Variants in PHACTR1 observed in about 807,000 individuals in gnomAD.
PHACTR1 encodes the protein RPEL repeat containing 1.
A neutral mutation model predicts 69.2 loss-of-function variants in PHACTR1; 16 were observed. The ratio of observed to expected loss-of-function variants is 0.23; its 90% CI spans 0.16 to 0.35. PHACTR1 has a LOEUF of 0.35. Among genes scored for constraint, PHACTR1 ranks in the 10% least tolerant of loss-of-function variants. The probability of loss-of-function intolerance (pLI) is 1.00; values close to 1 mark genes in which losing one functional copy is unlikely to be tolerated. For synonymous variants in PHACTR1, 312 were observed against 284.5 expected, an observed-to-expected ratio of 1.10 and a Z score of -0.97; for missense variants, 510 against 734.7, an observed-to-expected ratio of 0.69 and a Z score of 3.54.
chr6:13,133,789 C>T (rs976429660), intron 5 of PHACTR1, among the ~76,000 whole-genome samples: 12 of 151,778 alleles, frequency 7.9e-5, no homozygotes, highest in African/African-American at 2.7e-4. Flanking sequence ...CTCTGCCCGG[C>T]CGCCCAGTCT....
At chr6:13,211,075 T>C (rs755841354) in intron 8 of PHACTR1, among the ~76,000 whole-genome samples, 1 of 152,166 alleles carries the variant, frequency 6.6e-6, no homozygotes, top group Non-Finnish European at 1.5e-5. Flanking sequence ...GTTGAATTCA[T>C]GATTATTTAG....
chr6:13,078,767 T>G (rs2127791370), intron 5 of PHACTR1, among the ~76,000 whole-genome samples: 1 of 152,298 alleles, frequency 6.6e-6, no homozygotes, highest in East Asian at 1.9e-4. Context: ...CCAGAGATCA[T>G]ATTCCAGAAT....
chr6:13,249,797 CAAAA>C (rs5874406), intron 10 of PHACTR1, among the ~76,000 whole-genome samples: 14 of 79,902 alleles, frequency 1.8e-4, no homozygotes, highest in African/African-American at 5.2e-4. Context: ...AACTCCGTCT[CAAAA>C]AAAAAAAAAA....
intron 4 of PHACTR1, among the ~76,000 whole-genome samples, chr6:12,931,759 G>A (rs938340136): frequency 1.3e-5 from 2 of 151,570 alleles, no homozygotes; most frequent in African/African-American, 4.8e-5. Context: ...CTTTCTGTTA[G>A]TGCAGGCAAG....
At chr6:13,054,783 G>A (rs1011839264) in intron 5 of PHACTR1, among the ~76,000 whole-genome samples, 1 of 152,146 alleles carries the variant, frequency 6.6e-6, no homozygotes, top group African/African-American at 2.4e-5. Context: ...ATATGAATTT[G>A]GGAGGGACAC....
At chr6:13,272,801 T>A (rs570778881) in intron 10 of PHACTR1, 59 bp from the exon 11 acceptor site, 1 of 1,613,996 alleles carries the variant, frequency 6.2e-7, no homozygotes. Flanking sequence ...GCCGAGGAAA[T>A]TAATGACCCA....
At chr6:12,928,492 T>A (rs1290006472) in intron 4 of PHACTR1, among the ~76,000 whole-genome samples, 1 of 152,194 alleles carries the variant, frequency 6.6e-6, no homozygotes, top group Non-Finnish European at 1.5e-5. Context: ...AATTTCTACC[T>A]TTTCCTCAAA....
At chr6:13,034,269 G>T (rs4715069) in intron 4 of PHACTR1, among the ~76,000 whole-genome samples, 107,539 of 151,916 alleles carry the variant, frequency 0.71, 39,342 homozygotes, top group East Asian at 0.88. Context: ...CGCCCGCCTC[G>T]GCCTCCCAAA....
At position 12,892,059 on chromosome 6, in the gene PHACTR1, G is replaced by A. The variant is rs192598585; in HGVS notation, c.250+142269G>A. 2.5e-3 allele frequency among the ~76,000 whole-genome samples: 388 copies of A among 152,320 alleles called. 1 individual carries two copies. Among genetic ancestry groups the A allele is most frequent in the African/African-American group, 8.8e-3 (367 of 41,576 alleles). On this transcript the variant is annotated intron_variant, in intron 4 of 14. Coordinates refer to ENST00000332995, the MANE Select transcript of PHACTR1 (RefSeq NM_030948.6). ...ATTCCCTAGGAAGCTACTAGCTTAT[G>A]CTAAAAATCCATATTTAATACATTA...
At chr6:12,850,478 T>A (rs985466058) in intron 4 of PHACTR1, among the ~76,000 whole-genome samples, 1 of 152,210 alleles carries the variant, frequency 6.6e-6, no homozygotes, top group African/African-American at 2.4e-5. Context: ...ACTTTACTTC[T>A]TCATCATTTG....
intron 4 of PHACTR1, among the ~76,000 whole-genome samples, chr6:12,917,721 C>T (rs1006196384): frequency 6.6e-6 from 1 of 152,130 alleles, no homozygotes; most frequent in Admixed American, 6.5e-5. Context: ...TGCCACTACA[C>T]TCCAGCCTGG....
At chr6:13,212,239 C>T (rs530097300) in intron 8 of PHACTR1, among the ~76,000 whole-genome samples, 2 of 152,304 alleles carry the variant, frequency 1.3e-5, no homozygotes, top group African/African-American at 4.8e-5. Context: ...AGGACTTCAA[C>T]ATATGAATTT....
intron 4 of PHACTR1, among the ~76,000 whole-genome samples, chr6:12,846,505 C>T (rs1235589876): frequency 1.3e-5 from 2 of 152,118 alleles, no homozygotes; most frequent in South Asian, 4.1e-4. Flanking sequence ...ACTGAGTAGA[C>T]CTTGAGTCTA....
chr6:13,003,950 C>CATATATATATATAT (rs1562119669), intron 4 of PHACTR1, among the ~76,000 whole-genome samples: 1,317 of 81,262 alleles, frequency 0.016, 67 homozygotes, highest in South Asian at 0.032. Flanking sequence ...CAGTAGTATT[C>CATATATATATATAT]CTATATATAT....
At chr6:12,892,322 G>C (rs1784237006) in intron 4 of PHACTR1, among the ~76,000 whole-genome samples, 1 of 152,242 alleles carries the variant, frequency 6.6e-6, no homozygotes, top group Non-Finnish European at 1.5e-5. Context: ...AATGCATTTA[G>C]TGAGGGAGGG....
chr6:12,980,857 G>C (rs1288728783), intron 4 of PHACTR1, among the ~76,000 whole-genome samples: 2 of 152,056 alleles, frequency 1.3e-5, no homozygotes, highest in Non-Finnish European at 2.9e-5. Context: ...TCCCCAAGTA[G>C]GACTGAATCT....
At chr6:12,931,848 G>A (rs138183451) in intron 4 of PHACTR1, among the ~76,000 whole-genome samples, 1 of 151,872 alleles carries the variant, frequency 6.6e-6, no homozygotes, top group African/African-American at 2.4e-5. Flanking sequence ...CAGCTGGGAG[G>A]TTCAGCCAGC....
intron 4 of PHACTR1, among the ~76,000 whole-genome samples, chr6:12,816,439 T>G (rs1427203295): frequency 1.3e-5 from 2 of 152,202 alleles, no homozygotes; most frequent in Non-Finnish European, 2.9e-5. Flanking sequence ...CAGGGAGAGA[T>G]AAAGTCTGAT....
Position 13,182,605 on chromosome 6 carries a change from T to G in PHACTR1, c.583T>G (p.Ser195Ala). ...SSSQLSLPALSEMEPVPMPRD... is the reference protein window; with the variant it reads ...SSSQLSLPALAEMEPVPMPRD... The stretch of plus-strand genomic sequence containing the variant: ...CAGCCAGCTGTCTCTGCCTGCCCTG[T>G]CCGAAATGGAGCCAGTCCCAATGCC... The change falls in exon 7 of 15, where the codon TCC becomes GCC. Residue 195 changes from serine (S) to alanine (A), a missense_variant. Ser to Ala is a moderately conservative substitution (Grantham distance 99, BLOSUM62 1). Around this residue, in one of 2 missense-constraint regions of PHACTR1, gnomAD observed 419 missense variants for 530.9 expected, o/e 0.79. Coordinates refer to ENST00000332995, the MANE Select transcript of PHACTR1 (RefSeq NM_030948.6). The G allele has an allele frequency of 6.2e-7, 1 of 1,612,580 alleles. No homozygotes were observed. Among genetic ancestry groups the G allele is most frequent in the Non-Finnish European group, 8.5e-7 (1 of 1,179,306 alleles).
Sources: allele counts gnomAD v4.1 joint callset (sites outside exome capture counted in the v4.1 genomes callset), GRCh38; gene constraint gnomAD v4.1.1; regional missense constraint gnomAD v4.1.1; transcripts MANE v1.5; gene names NCBI Gene and HGNC (gene_info 2026-07-23, HGNC 2026-07-21).